The following EFCAB6 variants were observed in gnomAD, a reference collection of about 807,000 sequenced individuals.
The protein encoded by EFCAB6 is EF-hand calcium binding domain 6, also known as EF-hand calcium-binding domain-containing protein 6.
In EFCAB6, 156 loss-of-function variants were observed where a neutral mutation model predicts 169.8. The ratio of observed to expected loss-of-function variants is 0.92; its 90% confidence interval spans 0.81 to 1.05. The LOEUF (loss-of-function observed/expected upper bound fraction) is 1.05. Among genes scored for constraint, EFCAB6 ranks in the 50% least tolerant of loss-of-function variants. The pLI is 0.00. For synonymous variants in EFCAB6, 698 were observed against 676.4 expected (o/e 1.03, Z -0.50); for missense variants, 1,800 against 1,829.1 (o/e 0.98, Z 0.29).
chr22:43,771,341 A>G (rs977146389), intron 4 of EFCAB6, among the ~76,000 whole-genome samples: 1 of 152,148 alleles, frequency 6.6e-6, no homozygotes, highest in African/African-American at 2.4e-5. Flanking sequence ...GAGGCACAAG[A>G]ATCACTTGAA....
chr22:43,595,434 C>G (rs917156245), intron 23 of EFCAB6, among the ~76,000 whole-genome samples: 2 of 151,912 alleles, frequency 1.3e-5, no homozygotes, highest in African/African-American at 4.8e-5. Flanking sequence ...GGAAGTATTA[C>G]AACTTTGGAG....
At chr22:43,610,836 CCAA>C (rs1211289620) in intron 21 of EFCAB6, among the ~76,000 whole-genome samples, 1 of 152,020 alleles carries the variant, frequency 6.6e-6, no homozygotes, top group Non-Finnish European at 1.5e-5. Context: ...TACCACTGTC[CCAA>C]CAACAAGTAA....
chr22:43,539,221 T>C (rs549024353), intron 28 of EFCAB6, among the ~76,000 whole-genome samples: 3 of 152,192 alleles, frequency 2.0e-5, no homozygotes, highest in African/African-American at 4.8e-5. Context: ...TAAGACAACA[T>C]AGTCACAGCT....
chr22:43,645,560 A>T (rs1053388914), intron 17 of EFCAB6, among the ~76,000 whole-genome samples: 6 of 152,220 alleles, frequency 3.9e-5, no homozygotes. Flanking sequence ...CATTTTATAA[A>T]CCATTTACTA....
At chr22:43,799,329 C>CACACACACACA (rs1491415655) in intron 2 of EFCAB6, among the ~76,000 whole-genome samples, 1 of 146,548 alleles carries the variant, frequency 6.8e-6, no homozygotes, top group Non-Finnish European at 1.5e-5. Context: ...GAATCTGTCT[C>CACACACACACA]CACACACACA....
At chr22:43,535,015 T>C in intron 29 of EFCAB6, 143 bp from the exon 30 acceptor site, 1 of 782,090 alleles carries the variant, frequency 1.3e-6, no homozygotes, top group Non-Finnish European at 2.0e-6. Flanking sequence ...GGTTGGTGGC[T>C]GGACATATGT....
At chr22:43,666,966 T>A (rs1295514434) in intron 17 of EFCAB6, 138 bp downstream of exon 17, 17 of 1,100,874 alleles carry the variant, frequency 1.5e-5, no homozygotes, top group Admixed American at 3.0e-5. Flanking sequence ...AAAAAAAAAA[T>A]CCTTTTAAAT....
chr22:43,707,745 A>G (rs1046773696), intron 10 of EFCAB6, among the ~76,000 whole-genome samples: 2 of 152,196 alleles, frequency 1.3e-5, no homozygotes, highest in Non-Finnish European at 2.9e-5. Flanking sequence ...ACGGACTACC[A>G]AAAGATATAC....
intron 2 of EFCAB6, among the ~76,000 whole-genome samples, chr22:43,787,037 C>A (rs1245754593): frequency 6.6e-6 from 1 of 152,020 alleles, no homozygotes; most frequent in Non-Finnish European, 1.5e-5. Flanking sequence ...AAACATTCAA[C>A]AAATTAGGAA....
At chr22:43,770,963 G>A (rs887174549) in intron 4 of EFCAB6, among the ~76,000 whole-genome samples, 1 of 151,904 alleles carries the variant, frequency 6.6e-6, no homozygotes, top group Non-Finnish European at 1.5e-5. Context: ...GTCAGTCCTT[G>A]AAGTTAAGAC....
At position 43,672,084 on chromosome 22, in the gene EFCAB6, T is replaced by G; in HGVS notation, c.1529A>C (p.Tyr510Ser). 6.2e-7 allele frequency: 1 copy of G among 1,613,962 alleles called. No homozygotes were observed. Among genetic ancestry groups the G allele is most frequent in the Non-Finnish European group, 8.5e-7 (1 of 1,179,978 alleles). The change falls in exon 15 of 32, where the codon TAT becomes TCT. Residue 510 changes from tyrosine to serine, a missense_variant. Physicochemically the swap from Tyr to Ser is moderately radical, Grantham distance 144. Coordinates refer to ENST00000262726, the MANE Select transcript of EFCAB6 (RefSeq NM_022785.4). ...AAGGTCATATGAGCGTAGCATGTTA[T>G]AAAAAGCTTGTAGGTTCCTAGTAAT... ...DTITRNLQAF[Y>S]NMLRSYDLGD... is the part of the protein sequence containing the mutation.
chr22:43,621,041 C>G (rs112748651), intron 20 of EFCAB6, among the ~76,000 whole-genome samples: 1 of 151,568 alleles, frequency 6.6e-6, no homozygotes, highest in Non-Finnish European at 1.5e-5. Flanking sequence ...CTGACCACAA[C>G]AGAATTAAAC....
intron 6 of EFCAB6, among the ~76,000 whole-genome samples, chr22:43,745,680 G>C (rs957133338): frequency 6.6e-6 from 1 of 152,164 alleles, no homozygotes; most frequent in Non-Finnish European, 1.5e-5. Flanking sequence ...AAGAAGTACA[G>C]ATTTGAAATG....
At chr22:43,649,111 A>G (rs2056333241) in intron 17 of EFCAB6, among the ~76,000 whole-genome samples, 2 of 152,170 alleles carry the variant, frequency 1.3e-5, no homozygotes, top group Admixed American at 6.5e-5. Flanking sequence ...CCCGAGGGGG[A>G]AAAAAGTCCC....
chr22:43,711,543 A>G lies in EFCAB6; in HGVS notation c.963T>C (p.Tyr321=), dbSNP rs1380593260. 1 of 1,605,716 alleles carries G rather than the reference A, an allele frequency of 6.2e-7. No homozygotes were observed. Residue 321 remains tyrosine, a synonymous_variant, in exon 10 of 32, where the codon TAT becomes TAC. Transcript: ENST00000262726. The part of the protein sequence containing the change: ...PCKGGYVSFN[Y]LKIVLDTFVY... ...CAAAAGTGTCGAGGACAATCTTTAG[A>G]TAATTAAAAGACACGTAGCCACCTT...
At chr22:43,740,061 G>A (rs988382726) in intron 6 of EFCAB6, among the ~76,000 whole-genome samples, 1 of 150,744 alleles carries the variant, frequency 6.6e-6, no homozygotes, top group African/African-American at 2.4e-5. Context: ...CCCCATGACT[G>A]CTCAGCCCCT....
intron 22 of EFCAB6, among the ~76,000 whole-genome samples, chr22:43,602,318 A>T (rs1280107304): frequency 1.3e-5 from 2 of 152,254 alleles, no homozygotes; most frequent in Non-Finnish European, 2.9e-5. Flanking sequence ...AAGACAACAC[A>T]GCCTCAGAAA....
rs1160915151 is a variant in EFCAB6, at chr22:43,572,279, A to G, written c.3420+4018T>C. The stretch of plus-strand genomic sequence containing the variant: ...GTTGCGGGAGGCAAGCTGACAGCAC[A>G]TAAAGCTTTAGGAATGTTCTCTCCT... On this transcript the variant is annotated intron_variant, in intron 26 of 31. Transcript: ENST00000262726. This position sits in a 1 kb window ranked among gnomAD's most constrained non-coding sequence, Gnocchi z 4.0. 2.0e-5 allele frequency among the ~76,000 whole-genome samples: 3 copies of G among 152,200 alleles called. No individual in the cohort carries two copies. In the East Asian group the frequency reaches 5.8e-4, roughly 29 times the overall value.
chr22:43,738,885 G>C (rs182433515), intron 6 of EFCAB6, among the ~76,000 whole-genome samples: 1 of 152,314 alleles, frequency 6.6e-6, no homozygotes, highest in Non-Finnish European at 1.5e-5. Flanking sequence ...CTCCTGTCCT[G>C]TTGTAAGGGA....
Sources: gnomAD v4.1 joint callset for allele counts (sites outside exome capture counted in the v4.1 genomes callset) on GRCh38, gnomAD v4.1.1 for gene constraint, Gnocchi (gnomAD v3.1) non-coding constraint, MANE v1.5 for transcripts, NCBI Gene and HGNC (gene_info 2026-07-23, HGNC 2026-07-21) for gene names.